The following TBC1D9 variants were observed in gnomAD, a reference collection of about 807,000 sequenced individuals.
The protein encoded by TBC1D9 is TBC1 domain family member 9.
A neutral mutation model predicts 132.0 loss-of-function variants in TBC1D9; 63 were observed. That is an observed-to-expected ratio of 0.48 (90% confidence interval 0.39 to 0.59). The LOEUF (loss-of-function observed/expected upper bound fraction) is 0.59, where lower values mean the gene tolerates loss of function less well. Among genes scored for constraint, TBC1D9 ranks in the 20% least tolerant of loss-of-function variants. The pLI is 0.00. For synonymous variants in TBC1D9, 610 were observed against 609.9 expected, an observed-to-expected ratio of 1.00 and a Z score of 0.00; for missense variants, 1,261 against 1,592.7, an observed-to-expected ratio of 0.79 and a Z score of 3.54.
At chr4:140,699,261 C>T (rs1481141065) in intron 2 of TBC1D9, among the ~76,000 whole-genome samples, 1 of 152,064 alleles carries the variant, frequency 6.6e-6, no homozygotes, top group Non-Finnish European at 1.5e-5. Context: ...CAAGAGAATT[C>T]TCCATAAATT....
At chr4:140,660,017 T>C (rs1737332488) in intron 10 of TBC1D9, among the ~76,000 whole-genome samples, 1 of 152,206 alleles carries the variant, frequency 6.6e-6, no homozygotes. Context: ...TTCCAAAAAT[T>C]TGCCCAAAGG....
At chr4:140,732,233 A>T (rs898187573) in intron 1 of TBC1D9, among the ~76,000 whole-genome samples, 3 of 152,220 alleles carry the variant, frequency 2.0e-5, no homozygotes, top group Admixed American at 2.0e-4. Context: ...TGGGAATGAG[A>T]CTTAGAGGTA....
At position 140,657,167 on chromosome 4, in the gene TBC1D9, G is replaced by A. The variant is rs763763354; in HGVS notation, c.2267C>T (p.Ser756Phe). 3 of 1,613,856 alleles carry A rather than the reference G, an allele frequency of 1.9e-6. No individual in the cohort carries two copies. The highest frequency in any genetic ancestry group is 2.5e-6 in the Non-Finnish European group (3 of 1,179,772). Residue 756 changes from serine (S) to phenylalanine (F), a missense_variant, in exon 13 of 21, where the codon TCC becomes TTC. By Grantham distance (155) the Ser-to-Phe change is radical (BLOSUM62 -2). This residue lies in a region of TBC1D9 where 618 missense variants were observed against 724.4 expected (regional missense o/e 0.85). Coordinates refer to ENST00000442267, the MANE Select transcript of TBC1D9 (RefSeq NM_015130.3). ...AGGTTCCACATCATCGCTGAGCAAG[G>A]AGTGGAGGTGAGGAATGGGAGGCAG... ...STLPPIPHLH[S>F]LLSDDVEPYP...
chr4:140,709,812 G>A (rs1738210819), intron 1 of TBC1D9, among the ~76,000 whole-genome samples: 1 of 152,164 alleles, frequency 6.6e-6, no homozygotes, highest in Non-Finnish European at 1.5e-5. Flanking sequence ...TTGCAACCTA[G>A]ATCCCTTGCA....
At chr4:140,642,792 C>A in intron 13 of TBC1D9, 1 of 630,232 alleles carries the variant, frequency 1.6e-6, no homozygotes, top group Non-Finnish European at 2.8e-6. Flanking sequence ...CTCAGCTTTC[C>A]GCTACTGTTG....
intron 1 of TBC1D9, among the ~76,000 whole-genome samples, chr4:140,702,700 C>T (rs574627807): frequency 1.3e-5 from 2 of 152,242 alleles, no homozygotes; most frequent in African/African-American, 2.4e-5. Context: ...GGATTGGCAC[C>T]AAACATTTTC....
At chr4:140,634,300 G>A (rs1177770613) in intron 15 of TBC1D9, 112 bp from the exon 16 acceptor site, 3 of 1,464,638 alleles carry the variant, frequency 2.0e-6, no homozygotes, top group Non-Finnish European at 2.7e-6. Context: ...TGCATCCCCT[G>A]GGGCAGGGCT....
chr4:140,678,675 G>T (rs1737661226), intron 5 of TBC1D9, among the ~76,000 whole-genome samples: 1 of 152,052 alleles, frequency 6.6e-6, no homozygotes, highest in Admixed American at 6.6e-5. Context: ...TTCCCCATCT[G>T]GGCTGAGGCT....
chr4:140,705,761 G>A (rs1193473739), intron 1 of TBC1D9, among the ~76,000 whole-genome samples: 1 of 152,092 alleles, frequency 6.6e-6, no homozygotes. Flanking sequence ...CCTTGGAAAT[G>A]GCTGTCAAAA....
At chr4:140,641,020 A>G (rs757867781) in intron 13 of TBC1D9, among the ~76,000 whole-genome samples, 9 of 150,912 alleles carry the variant, frequency 6.0e-5, no homozygotes, top group Non-Finnish European at 8.8e-5. Context: ...TGGCAATATC[A>G]TCACATAATC....
chr4:140,630,256 A>G (rs953003244), intron 16 of TBC1D9, among the ~76,000 whole-genome samples: 2 of 152,220 alleles, frequency 1.3e-5, no homozygotes, highest in Non-Finnish European at 2.9e-5. Context: ...CTTTACCTGC[A>G]TGTAGGCTAG....
chr4:140,655,920 C>T (rs757043961), intron 13 of TBC1D9, among the ~76,000 whole-genome samples: 29 of 152,114 alleles, frequency 1.9e-4, no homozygotes, highest in Non-Finnish European at 4.1e-4. Context: ...GCCTCCCCAT[C>T]CCTACTCTCA....
chr4:140,706,254 C>T lies in TBC1D9; in HGVS notation c.131-4640G>A, dbSNP rs1738150265. ...GACAGGATCCTAAAGATCACTTGGC[C>T]TCCCCGACTCCATTAGTCCTGACGC... On this transcript the variant is annotated intron_variant, in intron 1 of 20. Transcript: ENST00000442267. This position sits in a 1 kb window ranked among gnomAD's most constrained non-coding sequence, Gnocchi z 4.0. 6.6e-6 allele frequency among the ~76,000 whole-genome samples: 1 copy of T among 152,228 alleles called. No homozygotes were observed. Among genetic ancestry groups the T allele is most frequent in the Non-Finnish European group, 1.5e-5 (1 of 68,038 alleles).
chr4:140,635,697 G>T (rs750507495), intron 15 of TBC1D9, among the ~76,000 whole-genome samples: 2 of 152,170 alleles, frequency 1.3e-5, no homozygotes, highest in Non-Finnish European at 2.9e-5. Flanking sequence ...GAGTAGGGAA[G>T]AGAGGAGGAA....
At chr4:140,665,543 A>C (rs1737429989) in intron 9 of TBC1D9, among the ~76,000 whole-genome samples, 1 of 152,212 alleles carries the variant, frequency 6.6e-6, no homozygotes. Flanking sequence ...TAACCTTTAA[A>C]AGGTTAAACA....
intron 9 of TBC1D9, among the ~76,000 whole-genome samples, chr4:140,663,114 T>G (rs767075602): frequency 6.6e-6 from 1 of 152,058 alleles, no homozygotes; most frequent in African/African-American, 2.4e-5. Flanking sequence ...AAAAGCAACT[T>G]AATGGAAGAA....
intron 3 of TBC1D9, among the ~76,000 whole-genome samples, chr4:140,683,906 A>T (rs529021763): frequency 1.3e-5 from 2 of 152,364 alleles, no homozygotes; most frequent in African/African-American, 2.4e-5. Context: ...CTGTTTGAAC[A>T]AAAGTATTAA....
intron 13 of TBC1D9, among the ~76,000 whole-genome samples, 189 bp downstream of exon 13, chr4:140,656,908 T>G (rs1737280679): frequency 6.6e-6 from 1 of 152,216 alleles, no homozygotes; most frequent in East Asian, 1.9e-4. Context: ...AGGTGCCATC[T>G]TGGAAGCAGA....
intron 13 of TBC1D9, among the ~76,000 whole-genome samples, chr4:140,654,194 C>T (rs1419370316): frequency 6.6e-6 from 1 of 152,260 alleles, no homozygotes; most frequent in Non-Finnish European, 1.5e-5. Context: ...AGCCTTTATT[C>T]CTGACACCAA....
Sources: gnomAD v4.1 joint callset for allele counts (sites outside exome capture counted in the v4.1 genomes callset) on GRCh38, gnomAD v4.1.1 for gene constraint, gnomAD v4.1.1 regional missense constraint, Gnocchi (gnomAD v3.1) non-coding constraint, MANE v1.5 for transcripts, NCBI Gene and HGNC (gene_info 2026-07-23, HGNC 2026-07-21) for gene names.